Variants in EML4 observed in about 807,000 individuals in gnomAD.
EML4 encodes EMAP like 4.
Under a neutral mutation model 129.0 loss-of-function variants are expected in EML4, and 72 were observed. That is an observed-to-expected ratio of 0.56 (90% CI 0.46 to 0.68). The LOEUF is 0.68. Ranked by LOEUF, EML4 falls within the 30% of genes least tolerant of loss-of-function variation. The pLI is 0.00. For missense variants in EML4, 1,363 were observed against 1,190.6 expected (o/e 1.14, Z -2.13); for synonymous variants, 532 against 405.0 (o/e 1.31, Z -3.77).
At chr2:42,234,852 C>G (rs935065211) in intron 1 of EML4, among the ~76,000 whole-genome samples, 3 of 152,262 alleles carry the variant, frequency 2.0e-5, no homozygotes, top group East Asian at 1.9e-4. Flanking sequence ...AACCAAAAAA[C>G]ATCATCAAAA....
intron 1 of EML4, among the ~76,000 whole-genome samples, chr2:42,209,433 ATTC>A (rs1672750948): frequency 1.3e-5 from 2 of 152,154 alleles, no homozygotes; most frequent in African/African-American, 2.4e-5. Flanking sequence ...TTGTAGGCAT[ATTC>A]TTCTTTCCAT....
intron 1 of EML4, among the ~76,000 whole-genome samples, chr2:42,232,940 T>C (rs1488115536): frequency 4.6e-5 from 7 of 152,192 alleles, no homozygotes; most frequent in Non-Finnish European, 1.0e-4. Flanking sequence ...TTAGCCAGGA[T>C]GGTCTCCATC....
At chr2:42,272,939 T>C (rs1171665721) in intron 6 of EML4, among the ~76,000 whole-genome samples, 1 of 152,198 alleles carries the variant, frequency 6.6e-6, no homozygotes, top group Non-Finnish European at 1.5e-5. Context: ...AACATTATAG[T>C]TGAAACTTCT....
intron 1 of EML4, among the ~76,000 whole-genome samples, chr2:42,190,764 G>T (rs1671534475): frequency 6.6e-6 from 1 of 152,208 alleles, no homozygotes; most frequent in Non-Finnish European, 1.5e-5. Context: ...CTCTGTTGTA[G>T]CATGAAAGCA....
chr2:42,202,313 G>A (rs1342307263), intron 1 of EML4, among the ~76,000 whole-genome samples: 1 of 152,136 alleles, frequency 6.6e-6, no homozygotes, highest in Admixed American at 6.5e-5. Context: ...GGCCAAGGTA[G>A]AAGGATTGCT....
At chr2:42,277,570 CTT>C (rs869297928) in intron 6 of EML4, among the ~76,000 whole-genome samples, 9 of 136,556 alleles carry the variant, frequency 6.6e-5, no homozygotes, top group Admixed American at 7.3e-5. Context: ...CAAGCACAAC[CTT>C]TTTTTTTTTT....
intron 1 of EML4, 130 bp downstream of exon 1, chr2:42,169,766 C>A: frequency 2.9e-6 from 3 of 1,029,034 alleles, no homozygotes; most frequent in South Asian, 1.7e-5. Context: ...ATGTTCCCTT[C>A]GAGGCTGCCG....
intron 1 of EML4, among the ~76,000 whole-genome samples, chr2:42,175,602 G>A (rs756535298): frequency 2.6e-5 from 4 of 151,446 alleles, no homozygotes; most frequent in East Asian, 2.0e-4. Flanking sequence ...GGATTCAAGC[G>A]ATTCTTGTGC....
At position 42,330,300 on chromosome 2, in the gene EML4, G is replaced by A. The variant is rs1670038675; in HGVS notation, c.*93G>A. On this transcript the variant is annotated 3_prime_UTR_variant, in exon 23 of 23. Coordinates refer to ENST00000318522, the MANE Select transcript of EML4 (RefSeq NM_019063.5). Reference sequence around the variant, plus strand: ...GGATGGGCAGTGATGGAGAATCACTGTTGATTGAGATTTTGGTTTCCATGT... The same window carrying A: ...GGATGGGCAGTGATGGAGAATCACTATTGATTGAGATTTTGGTTTCCATGT... The A allele has an allele frequency of 1.7e-6, 2 of 1,166,568 alleles. No individual in the cohort carries two copies. The highest frequency in any genetic ancestry group is 2.5e-6 in the Non-Finnish European group (2 of 793,058). The allele number at this position is 1,166,568 out of a possible 1,614,324, so 72.3% of individuals were successfully genotyped here. A position where few individuals can be genotyped will look rare whatever the true frequency, so the allele number is the denominator to read the frequency against.
At position 42,303,423 on chromosome 2, in the gene EML4, C is replaced by T. The variant is rs777345295; in HGVS notation, c.1876C>T (p.Leu626=). The T allele has an allele frequency of 1.2e-6, 2 of 1,613,870 alleles. No homozygotes were observed. Among genetic ancestry groups the T allele is most frequent in the African/African-American group, 2.7e-5 (2 of 74,876 alleles). Residue 626 remains leucine (L), a synonymous_variant, in exon 16 of 23, where the codon CTG becomes TTG. Coordinates refer to ENST00000318522, the MANE Select transcript of EML4 (RefSeq NM_019063.5). The stretch of plus-strand genomic sequence containing the variant: ...CCTGTGGAACTCAATGGAACACAGG[C>T]TGGAATGGACCAGGCTGGTAGATGT... ...VCLWNSMEHR[L]EWTRLVDEPG...
intron 13 of EML4, 31 bp downstream of exon 13, chr2:42,295,547 G>T (rs1316860595): frequency 1.3e-6 from 2 of 1,597,278 alleles, no homozygotes; most frequent in Non-Finnish European, 1.7e-6. Flanking sequence ...ACTCATTTCT[G>T]GTAATTCTCA....
intron 2 of EML4, among the ~76,000 whole-genome samples, chr2:42,247,352 G>A (rs1014212775): frequency 3.3e-5 from 5 of 152,166 alleles, no homozygotes; most frequent in South Asian, 2.1e-4. Context: ...GCGGAGAATG[G>A]AAGACCGTAG....
At chr2:42,169,724 T>C in intron 1 of EML4, 88 bp downstream of exon 1, 2 of 1,456,614 alleles carry the variant, frequency 1.4e-6, no homozygotes, top group Non-Finnish European at 1.9e-6. Context: ...CCCTCCCGCC[T>C]GCCCCTCGGG....
intron 6 of EML4, among the ~76,000 whole-genome samples, chr2:42,265,987 G>C (rs930059289): frequency 6.6e-6 from 1 of 152,182 alleles, no homozygotes; most frequent in African/African-American, 2.4e-5. Context: ...CTTAATGAAA[G>C]CACGTCCTTT....
chr2:42,169,448 C>CT lies in EML4; in HGVS notation c.-162dup, dbSNP rs1325331493. ...GGGGAAGTGGTTCGGGCGGCCGCGG[C>CT]TTACTACCCCAGGGCGAACGGACGG... On this transcript the variant is annotated 5_prime_UTR_variant, in exon 1 of 23. Transcript: ENST00000318522. 4 of 688,168 alleles carry CT rather than the reference C, an allele frequency of 5.8e-6. No individual in the cohort carries two copies. The Admixed American group carries it at 1.1e-4, about 19-fold the overall frequency. 42.6% of individuals were successfully genotyped at this position (688,168 alleles called of 1,614,324 possible).
At chr2:42,296,787 G>A (rs1350377816) in intron 13 of EML4, among the ~76,000 whole-genome samples, 3 of 152,098 alleles carry the variant, frequency 2.0e-5, no homozygotes, top group Non-Finnish European at 4.4e-5. Flanking sequence ...TCGCATTACT[G>A]TTTTCTTATG....
intron 1 of EML4, among the ~76,000 whole-genome samples, chr2:42,224,320 C>A (rs1040955406): frequency 6.6e-6 from 1 of 152,120 alleles, no homozygotes; most frequent in East Asian, 1.9e-4. Flanking sequence ...TCTTTTGTCA[C>A]TGGCTTCTTT....
At chr2:42,281,638 C>G (rs1360594459) in intron 7 of EML4, among the ~76,000 whole-genome samples, 2 of 152,312 alleles carry the variant, frequency 1.3e-5, no homozygotes, top group Non-Finnish European at 2.9e-5. Flanking sequence ...ACCCATACCT[C>G]ACAGGGGCTG....
chr2:42,173,096 A>G (rs1670370715), intron 1 of EML4, among the ~76,000 whole-genome samples: 1 of 152,230 alleles, frequency 6.6e-6, no homozygotes. Flanking sequence ...TACAGGTTGT[A>G]AATGTGAACA....
Sources: allele counts gnomAD v4.1 joint callset (sites outside exome capture counted in the v4.1 genomes callset), GRCh38; gene constraint gnomAD v4.1.1; transcripts MANE v1.5; gene names NCBI Gene and HGNC (gene_info 2026-07-23, HGNC 2026-07-21).